The following PRELID2 variants were observed in gnomAD, a reference collection of about 807,000 sequenced individuals.
The protein encoded by PRELID2 is PRELI domain containing 2.
Under a neutral mutation model 28.4 loss-of-function variants are expected in PRELID2, and 25 were observed. The ratio of observed to expected loss-of-function variants is 0.88; its 90% CI spans 0.64 to 1.23. The LOEUF is 1.23. Among genes scored for constraint, PRELID2 ranks in the 50% most tolerant of loss-of-function variants. The probability of loss-of-function intolerance (pLI) is 0.00; values close to 1 mark genes in which losing one functional copy is unlikely to be tolerated. For synonymous variants in PRELID2, 76 were observed against 71.6 expected (o/e 1.06, Z -0.31); for missense variants, 201 against 214.4 (o/e 0.94, Z 0.39).
rs544408680 is a variant in PRELID2, at chr5:145,472,277, G to T, written n.187-140C>A. 2.0e-5 allele frequency: 3 copies of T among 152,296 alleles called. No homozygotes were observed. In the East Asian group the frequency reaches 5.8e-4, roughly 29 times the overall value. 9.4% of individuals were successfully genotyped at this position (152,296 alleles called of 1,614,324 possible). A position where few individuals can be genotyped will look rare whatever the true frequency, so the allele number is the denominator to read the frequency against. On this transcript the variant is annotated intron_variant and non_coding_transcript_variant, in intron 2 of 2. Coordinates refer to the PRELID2 transcript ENST00000510259. ...TGCTGGGTGGCTAGAGCTTGTCCAG[G>T]ACTTGAATGCTGAGACCACTTTCTT... is the stretch of plus-strand genomic sequence containing the variant.
intron 1 of PRELID2, among the ~76,000 whole-genome samples, chr5:145,539,791 G>T (rs146780777): frequency 0.01 from 1,539 of 151,560 alleles, 14 homozygotes; most frequent in Admixed American, 0.014. Flanking sequence ...TAAATATTAC[G>T]TTTCCAGAAA....
rs376553521 is a variant in PRELID2 at position 145,744,407 on chromosome 5, T to C, written n.70+20524A>G. 6.6e-5 allele frequency among the ~76,000 whole-genome samples: 10 copies of C among 152,226 alleles called. No homozygotes were observed. In the East Asian group the frequency reaches 1.2e-3, roughly 18 times the overall value. On this transcript the variant is annotated intron_variant and non_coding_transcript_variant, in intron 1 of 2. Coordinates refer to the PRELID2 transcript ENST00000510259. ...TGTGCCACTCAACTGGGTGAGACCC[T>C]CCAACAGGGGTTGTGAGACACCCTG...
intron 1 of PRELID2, among the ~76,000 whole-genome samples, chr5:145,539,656 G>A (rs982940688): frequency 4.0e-5 from 6 of 151,188 alleles, no homozygotes; most frequent in Admixed American, 6.6e-5. Context: ...AATATTTATT[G>A]AATCATAATT....
the PRELID2 span, among the ~76,000 whole-genome samples, chr5:145,254,602 G>T: frequency 6.6e-6 from 1 of 152,020 alleles, no homozygotes; most frequent in East Asian, 1.9e-4. Flanking sequence ...AGGTCATGGG[G>T]GCCTTACACT....
At chr5:145,486,787 C>T (rs940315987) in intron 1 of PRELID2, among the ~76,000 whole-genome samples, 8 of 151,994 alleles carry the variant, frequency 5.3e-5, no homozygotes, top group African/African-American at 1.9e-4. Context: ...AAGACACATG[C>T]ACATGTATGT....
chr5:145,504,913 A>G (rs1752392466), intron 1 of PRELID2, among the ~76,000 whole-genome samples: 1 of 152,152 alleles, frequency 6.6e-6, no homozygotes, highest in Non-Finnish European at 1.5e-5. Context: ...GAACACCAAT[A>G]TATTCTTGTT....
At chr5:145,412,571 T>G in the PRELID2 span, among the ~76,000 whole-genome samples, 1 of 152,162 alleles carries the variant, frequency 6.6e-6, no homozygotes, top group Non-Finnish European at 1.5e-5. Flanking sequence ...TTTCTTCAAG[T>G]CTCTAGGAAG....
intron 5 of PRELID2, among the ~76,000 whole-genome samples, chr5:145,792,290 TC>T (rs1022398123): frequency 4.6e-5 from 7 of 152,324 alleles, no homozygotes; most frequent in Middle Eastern, 3.4e-3. Context: ...ACTTGGGACC[TC>T]AGTTTCCCTA....
At chr5:145,704,342 A>T (rs1755485271) in intron 1 of PRELID2, 1 of 152,204 alleles carries the variant, frequency 6.6e-6, no homozygotes, top group African/African-American at 2.4e-5. Context: ...ACTTCCAATG[A>T]TATACCAAGC....
chr5:145,459,872 C>G, the PRELID2 span, among the ~76,000 whole-genome samples: 1 of 149,352 alleles, frequency 6.7e-6, no homozygotes, highest in East Asian at 2.0e-4. Flanking sequence ...TGCAGTGATG[C>G]GATCTTGGCT....
At chr5:145,232,550 G>A in the PRELID2 span, among the ~76,000 whole-genome samples, 4 of 152,150 alleles carry the variant, frequency 2.6e-5, no homozygotes, top group Admixed American at 2.6e-4. Flanking sequence ...TCTCTAAACA[G>A]TATCATGGCC....
At chr5:145,332,842 G>T in the PRELID2 span, among the ~76,000 whole-genome samples, 1 of 152,064 alleles carries the variant, frequency 6.6e-6, no homozygotes, top group Non-Finnish European at 1.5e-5. Flanking sequence ...TGAAGAAGAA[G>T]AGTCATTCTG....
chr5:145,480,317 G>A (rs1752146051), intron 1 of PRELID2, among the ~76,000 whole-genome samples: 1 of 152,098 alleles, frequency 6.6e-6, no homozygotes, highest in Non-Finnish European at 1.5e-5. Flanking sequence ...ACCTTGCTGT[G>A]TTTTGGAGTG....
intron 1 of PRELID2, among the ~76,000 whole-genome samples, chr5:145,495,748 A>C (rs566790456): frequency 6.6e-6 from 1 of 152,336 alleles, no homozygotes; most frequent in South Asian, 2.1e-4. Flanking sequence ...TGCATTAATA[A>C]TGCTAGATTT....
intron 1 of PRELID2, among the ~76,000 whole-genome samples, chr5:145,618,244 T>A (rs1753728181): frequency 6.6e-6 from 1 of 152,006 alleles, no homozygotes; most frequent in African/African-American, 2.4e-5. Context: ...TTTTGGGGAG[T>A]GTTAAAGAGC....
At chr5:145,583,623 G>A (rs528026489) in intron 1 of PRELID2, among the ~76,000 whole-genome samples, 203 of 151,932 alleles carry the variant, frequency 1.3e-3, no homozygotes, top group African/African-American at 4.5e-3. Flanking sequence ...GTGCAAAATC[G>A]CTAGCATTCC....
the PRELID2 span, among the ~76,000 whole-genome samples, chr5:145,388,459 A>T: frequency 0.31 from 46,674 of 151,808 alleles, 7,684 homozygotes; most frequent in East Asian, 0.7. Flanking sequence ...ACTCCCATCA[A>T]TTGGGCCCAC....
the PRELID2 span, among the ~76,000 whole-genome samples, chr5:145,432,630 T>C: frequency 3.3e-5 from 5 of 151,986 alleles, no homozygotes; most frequent in African/African-American, 9.7e-5. Flanking sequence ...ATAGAGAAAC[T>C]GGGGGAGATG....
At chr5:145,246,779 C>T in the PRELID2 span, among the ~76,000 whole-genome samples, 16 of 150,092 alleles carry the variant, frequency 1.1e-4, no homozygotes, top group Admixed American at 1.1e-3. Context: ...TAACCAACTC[C>T]ATCTTGCTTC....
Sources: gnomAD v4.1 joint callset for allele counts (sites outside exome capture counted in the v4.1 genomes callset) on GRCh38, gnomAD v4.1.1 for gene constraint, MANE v1.5 for transcripts, NCBI Gene and HGNC (gene_info 2026-07-23, HGNC 2026-07-21) for gene names.